The following TMEM178B variants were observed in gnomAD, a reference collection of about 807,000 sequenced individuals.
The protein encoded by TMEM178B is transmembrane protein 178B.
Under a neutral mutation model 31.0 loss-of-function variants are expected in TMEM178B, and 5 were observed. The observed-to-expected ratio is 0.16, with a 90% CI of 0.08 to 0.34. The LOEUF (loss-of-function observed/expected upper bound fraction) is 0.34. Among genes scored for constraint, TMEM178B ranks in the 10% least tolerant of loss-of-function variants. The pLI is 1.00. For missense variants in TMEM178B, 275 were observed against 400.3 expected, an observed-to-expected ratio of 0.69 and a Z score of 2.67; for synonymous variants, 164 against 164.0, an observed-to-expected ratio of 1.00 and a Z score of 0.00.
chr7:141,082,353 G>A (rs1228889502), intron 1 of TMEM178B, among the ~76,000 whole-genome samples: 1 of 152,214 alleles, frequency 6.6e-6, no homozygotes, highest in African/African-American at 2.4e-5. Flanking sequence ...CTAGAGGGCA[G>A]GAACTGTTTA....
chr7:141,413,423 C>G (rs1470977117), intron 2 of TMEM178B, among the ~76,000 whole-genome samples: 1 of 152,144 alleles, frequency 6.6e-6, no homozygotes, highest in Non-Finnish European at 1.5e-5. Context: ...GCATAACAGC[C>G]TTAAGGATCT....
chr7:141,144,707 G>A (rs1795824092), intron 1 of TMEM178B, among the ~76,000 whole-genome samples: 1 of 152,148 alleles, frequency 6.6e-6, no homozygotes, highest in Non-Finnish European at 1.5e-5. Context: ...GGGGGCAGAG[G>A]TAGGGTAAGC....
In TMEM178B at chr7:141,155,000, G is replaced by T. The variant is rs191689405; in HGVS notation, c.383-57591G>T. 2.7e-4 allele frequency among the ~76,000 whole-genome samples: 41 copies of T among 152,250 alleles called. 1 individual carries two copies. In the East Asian group the frequency reaches 6.6e-3, roughly 24 times the overall value. On this transcript the variant is annotated intron_variant, in intron 1 of 3. Coordinates refer to ENST00000565468, the MANE Select transcript of TMEM178B (RefSeq NM_001195278.2). ...CTGCCTCAGCCTCCCAAAGTGCTAGGATTACAGGTGTGAGCCACTGCACCT... is the reference window on the plus strand; with the variant it reads ...CTGCCTCAGCCTCCCAAAGTGCTAGTATTACAGGTGTGAGCCACTGCACCT...
At position 141,473,838 on chromosome 7, in the gene TMEM178B, G is replaced by A. The variant is rs1324868306; in HGVS notation, c.*3052G>A. On this transcript the variant is annotated 3_prime_UTR_variant, in exon 4 of 4. Transcript: ENST00000565468. ...TGGCCAATGGGAGGACTTCTCAGGT[G>A]ACCTTGATCCCTCTAGCATAAGGGC... 2 of 152,218 alleles carry A rather than the reference G, an allele frequency of 1.3e-5. No individual in the cohort carries two copies. The highest frequency in any genetic ancestry group is 4.8e-5 in the African/African-American group (2 of 41,434). 9.4% of individuals were successfully genotyped at this position (152,218 alleles called of 1,614,324 possible). A position where few individuals can be genotyped will look rare whatever the true frequency, so the allele number is the denominator to read the frequency against.
intron 3 of TMEM178B, among the ~76,000 whole-genome samples, chr7:141,439,604 C>G (rs1408715874): frequency 6.6e-6 from 1 of 152,158 alleles, no homozygotes; most frequent in African/African-American, 2.4e-5. Context: ...AAAAGTGGAG[C>G]AGCTCTGTTT....
chr7:141,128,861 G>T (rs1393998189), intron 1 of TMEM178B, among the ~76,000 whole-genome samples: 1 of 151,998 alleles, frequency 6.6e-6, no homozygotes, highest in Non-Finnish European at 1.5e-5. Flanking sequence ...AGCCTTCCAG[G>T]ATGTTTGCCA....
At chr7:141,089,017 A>G (rs1266905692) in intron 1 of TMEM178B, among the ~76,000 whole-genome samples, 1 of 152,220 alleles carries the variant, frequency 6.6e-6, no homozygotes, top group Admixed American at 6.5e-5. Context: ...CTAAGTACCT[A>G]TTATGGCCCA....
In TMEM178B at chr7:141,365,204, T is replaced by A. The variant is rs116507021; in HGVS notation, c.497-72404T>A. On this transcript the variant is annotated intron_variant, in intron 2 of 3. Coordinates refer to ENST00000565468, the MANE Select transcript of TMEM178B (RefSeq NM_001195278.2). ...GAATGCTCCCTCTTTCCAACCACAT[T>A]GCTGTCTTCAAACCCTTGCTGTAGA... Among the ~76,000 whole-genome samples, 328 of 152,350 alleles carry A rather than the reference T, an allele frequency of 2.2e-3. 2 individuals are homozygous for A. The highest frequency in any genetic ancestry group is 7.6e-3 in the African/African-American group (318 of 41,584).
intron 1 of TMEM178B, among the ~76,000 whole-genome samples, chr7:141,203,403 A>C (rs1354241287): frequency 1.3e-5 from 2 of 152,228 alleles, no homozygotes; most frequent in East Asian, 3.8e-4. Flanking sequence ...AGCATGTGCC[A>C]CTTGGAGACC....
chr7:141,265,136 C>T (rs573766654), intron 2 of TMEM178B, among the ~76,000 whole-genome samples: 7 of 152,286 alleles, frequency 4.6e-5, no homozygotes, highest in East Asian at 3.9e-4. Context: ...TTACAAGTCC[C>T]CATGATGGAC....
the TMEM178B span, among the ~76,000 whole-genome samples, chr7:141,486,789 T>C: frequency 6.6e-6 from 1 of 152,132 alleles, no homozygotes; most frequent in Non-Finnish European, 1.5e-5. Flanking sequence ...TACCCTGAAG[T>C]TGCTGACAGT....
intron 1 of TMEM178B, among the ~76,000 whole-genome samples, chr7:141,154,842 G>T (rs1396098687): frequency 6.6e-6 from 1 of 151,556 alleles, no homozygotes; most frequent in Non-Finnish European, 1.5e-5. Flanking sequence ...CGATTCTCCT[G>T]CCTTAGCCTC....
intron 1 of TMEM178B, among the ~76,000 whole-genome samples, chr7:141,196,079 G>A (rs1017094970): frequency 3.3e-5 from 5 of 152,082 alleles, no homozygotes; most frequent in East Asian, 1.9e-4. Context: ...GATACTGTAC[G>A]TATCAATGTG....
At chr7:141,122,371 A>G (rs10242365) in intron 1 of TMEM178B, among the ~76,000 whole-genome samples, 46,167 of 152,112 alleles carry the variant, frequency 0.3, 7,502 homozygotes, top group South Asian at 0.47. Context: ...TTAGGGAATT[A>G]TTATTGATAA....
rs561269256 is a variant in TMEM178B at position 141,148,412 on chromosome 7, A to T, written c.383-64179A>T. 5.9e-5 allele frequency among the ~76,000 whole-genome samples: 9 copies of T among 152,350 alleles called. No homozygotes were observed. The South Asian group carries it at 1.5e-3, about 25-fold the overall frequency. ...GACCTAAAACAGAACCCCAAGGTTT[A>T]CAGACATTAAAGGCACAGACAGAGG... On this transcript the variant is annotated intron_variant, in intron 1 of 3. Transcript: ENST00000565468.
chr7:141,168,869 G>GT (rs2129182519), intron 1 of TMEM178B, among the ~76,000 whole-genome samples: 1 of 152,230 alleles, frequency 6.6e-6, no homozygotes, highest in South Asian at 2.1e-4. Flanking sequence ...ATAATTGTAT[G>GT]TATTTATGGG....
chr7:141,465,005 T>C (rs138289056), intron 3 of TMEM178B, among the ~76,000 whole-genome samples: 23 of 152,324 alleles, frequency 1.5e-4, no homozygotes, highest in African/African-American at 5.1e-4. Context: ...CCCCAATTCA[T>C]AGTGGGCGTT....
intron 1 of TMEM178B, among the ~76,000 whole-genome samples, chr7:141,176,607 A>G (rs1027724998): frequency 2.0e-5 from 3 of 152,080 alleles, no homozygotes; most frequent in Non-Finnish European, 2.9e-5. Flanking sequence ...TTTGGTTGGT[A>G]GGCTATTAAT....
intron 1 of TMEM178B, among the ~76,000 whole-genome samples, chr7:141,168,603 C>A (rs1291586987): frequency 6.6e-6 from 1 of 152,060 alleles, no homozygotes; most frequent in Non-Finnish European, 1.5e-5. Flanking sequence ...GAAATCCCAT[C>A]TCTACTAAAA....
Sources: gnomAD v4.1 joint callset for allele counts (sites outside exome capture counted in the v4.1 genomes callset) on GRCh38, gnomAD v4.1.1 for gene constraint, MANE v1.5 for transcripts, NCBI Gene and HGNC (gene_info 2026-07-23, HGNC 2026-07-21) for gene names.